Variants in ODR4 observed in about 807,000 individuals in gnomAD.
The protein encoded by ODR4 is odr-4 GPCR localization factor homolog.
ODR4 carries 47 observed loss-of-function variants against 60.2 expected under a neutral mutation model. That is an observed-to-expected ratio of 0.78 (90% confidence interval 0.62 to 1.00). The LOEUF (loss-of-function observed/expected upper bound fraction) is 1.00, where lower values mean the gene tolerates loss of function less well. ODR4 is among the 50% of genes least tolerant of loss of function. The probability of loss-of-function intolerance (pLI) is 0.00; values close to 1 mark genes in which losing one functional copy is unlikely to be tolerated. For missense variants in ODR4, 488 were observed against 530.8 expected (o/e 0.92, Z 0.79); for synonymous variants, 178 against 175.5 (o/e 1.01, Z -0.11).
intron 12 of ODR4, among the ~76,000 whole-genome samples, chr1:186,413,709 C>A (rs1661452758): frequency 6.6e-6 from 1 of 152,038 alleles, no homozygotes; most frequent in African/African-American, 2.4e-5. Context: ...ATGAGTAATA[C>A]TGAAGATATA....
downstream of ODR4, among the ~76,000 whole-genome samples, chr1:186,423,458 T>TC (rs1245329006): frequency 7.3e-6 from 1 of 137,142 alleles, no homozygotes; most frequent in African/African-American, 2.7e-5. Flanking sequence ...TTTTTTTTTT[T>TC]TTTTTTTTTT....
At chr1:186,404,721 T>A (rs776629382) in intron 11 of ODR4, among the ~76,000 whole-genome samples, 45 of 152,328 alleles carry the variant, frequency 3.0e-4, no homozygotes, top group Non-Finnish European at 5.1e-4. Context: ...ACACGTAGTT[T>A]AAGCCATTGC....
intron 11 of ODR4, chr1:186,401,120 C>T: frequency 6.3e-7 from 1 of 1,594,316 alleles, no homozygotes; most frequent in Non-Finnish European, 8.6e-7. Context: ...ATTTAAAAAT[C>T]CTTTATAAAA....
At chr1:186,383,587 ATTTTC>A (rs1000335736) in intron 3 of ODR4, among the ~76,000 whole-genome samples, 1 of 151,650 alleles carries the variant, frequency 6.6e-6, no homozygotes, top group African/African-American at 2.4e-5. Flanking sequence ...AAGAAAAAGA[ATTTTC>A]TTTAATAAAT....
At chr1:186,426,236 T>C (rs185451603), downstream of ODR4, among the ~76,000 whole-genome samples, 275 of 152,342 alleles carry the variant, frequency 1.8e-3, 1 homozygote, top group Non-Finnish European at 3.0e-3. Context: ...ATTGCAGTTA[T>C]CTTTTGCTCC....
intron 10 of ODR4, among the ~76,000 whole-genome samples, chr1:186,398,742 ATC>A (rs1273769450): frequency 7.2e-5 from 11 of 152,178 alleles, no homozygotes; most frequent in Non-Finnish European, 7.4e-5. Flanking sequence ...TTATTCATTT[ATC>A]TGTTTTTAAC....
At chr1:186,389,502 A>G in intron 5 of ODR4, 86 bp from the exon 6 acceptor site, 1 of 1,082,368 alleles carries the variant, frequency 9.2e-7, no homozygotes, top group Non-Finnish European at 1.4e-6. Context: ...GGATGCGTGC[A>G]TTTTTTAGTT....
intron 8 of ODR4, 79 bp downstream of exon 8, chr1:186,391,870 C>A: frequency 1.2e-6 from 1 of 851,446 alleles, no homozygotes; most frequent in Non-Finnish European, 1.9e-6. Flanking sequence ...TAGTCCTTGC[C>A]TACAAGAAAA....
intron 12 of ODR4, among the ~76,000 whole-genome samples, chr1:186,414,155 G>A (rs1205659423): frequency 1.3e-5 from 2 of 152,122 alleles, no homozygotes; most frequent in East Asian, 3.8e-4. Flanking sequence ...ATAAATTGCT[G>A]TGATAAGGCC....
At chr1:186,401,209 T>G (rs1462828288) in intron 11 of ODR4, 6 of 1,549,496 alleles carry the variant, frequency 3.9e-6, no homozygotes, top group Non-Finnish European at 4.4e-6. Context: ...ATTAGTAAAA[T>G]TAATGGCCCC....
At chr1:186,422,269 A>G (rs1055400244), downstream of ODR4, among the ~76,000 whole-genome samples, 29 of 152,174 alleles carry the variant, frequency 1.9e-4, no homozygotes, top group Admixed American at 8.5e-4. Flanking sequence ...TAAAGGATCA[A>G]TTTACTAGGT....
the ODR4 span, among the ~76,000 whole-genome samples, chr1:186,432,615 C>A: frequency 1.3e-5 from 2 of 151,870 alleles, no homozygotes; most frequent in African/African-American, 4.8e-5. Context: ...TTATATTTTT[C>A]TAGAAATCTA....
intron 12 of ODR4, among the ~76,000 whole-genome samples, chr1:186,409,737 GGTTTCAGCAT>G (rs1315154128): frequency 3.9e-5 from 6 of 152,084 alleles, no homozygotes; most frequent in African/African-American, 1.4e-4. Context: ...ATAGAGATGG[GGTTTCAGCAT>G]GTTGGTCAGG....
intron 12 of ODR4, among the ~76,000 whole-genome samples, chr1:186,416,373 T>G (rs1661564755): frequency 6.6e-6 from 1 of 151,564 alleles, no homozygotes; most frequent in Non-Finnish European, 1.5e-5. Context: ...CCATCTCAAC[T>G]AAAAATACAA....
chr1:186,431,134 A>G, the ODR4 span, among the ~76,000 whole-genome samples: 1 of 152,168 alleles, frequency 6.6e-6, no homozygotes, highest in Non-Finnish European at 1.5e-5. Context: ...GGGGAAGAAA[A>G]TAGGTGTAAA....
chr1:186,390,780 A>G lies in ODR4; in HGVS notation c.544A>G (p.Thr182Ala), dbSNP rs368373111. 5.6e-6 allele frequency: 9 copies of G among 1,612,690 alleles called. No individual in the cohort carries two copies. The African/African-American group carries it at 9.3e-5, about 17-fold the overall frequency. The stretch of plus-strand genomic sequence containing the variant: ...ATCCTCATGGCTTTCTTTAGAGTGT[A>G]CAGTTCACATTAATATTCACATCCC... Reference protein sequence around the residue: ...LSSSWLSLECTVHINIHIPLS... With the variant: ...LSSSWLSLECAVHINIHIPLS... The change falls in exon 7 of 14, where the codon ACA becomes GCA. Residue 182 changes from threonine (T) to alanine (A), a missense_variant. Physicochemically the swap from Thr to Ala is moderately conservative, Grantham distance 58 (BLOSUM62 0). Coordinates refer to ENST00000287859, the MANE Select transcript of ODR4 (RefSeq NM_017847.6).
intron 11 of ODR4, among the ~76,000 whole-genome samples, chr1:186,402,182 A>ATTTAT (rs1189027372): frequency 1.6e-4 from 7 of 43,582 alleles, no homozygotes; most frequent in Non-Finnish European, 4.0e-4. Flanking sequence ...CTTTATAGGC[A>ATTTAT]TCCTATTCTT....
chr1:186,393,069 C>T (rs111828305), intron 8 of ODR4, among the ~76,000 whole-genome samples: 17,751 of 152,036 alleles, frequency 0.12, 1,292 homozygotes, highest in Non-Finnish European at 0.16. Flanking sequence ...ACCGTATGTT[C>T]TGACTTATAA....
At chr1:186,425,193 C>T (rs1437771936), downstream of ODR4, among the ~76,000 whole-genome samples, 1 of 152,086 alleles carries the variant, frequency 6.6e-6, no homozygotes, top group East Asian at 1.9e-4. Flanking sequence ...TGATCTAAAC[C>T]AGTTTCAGTA....
Sources: allele counts gnomAD v4.1 joint callset (sites outside exome capture counted in the v4.1 genomes callset), GRCh38; gene constraint gnomAD v4.1.1; transcripts MANE v1.5; gene names NCBI Gene and HGNC (gene_info 2026-07-23, HGNC 2026-07-21).